The following CDH18 variants were observed in gnomAD, a reference collection of about 807,000 sequenced individuals.
CDH18 encodes cadherin-18.
In CDH18, 31 loss-of-function variants were observed where a neutral mutation model predicts 67.9. The observed-to-expected ratio is 0.46, with a 90% CI of 0.34 to 0.62. The LOEUF (loss-of-function observed/expected upper bound fraction) is 0.62. Ranked by LOEUF, CDH18 falls within the 20% of genes least tolerant of loss-of-function variation. CDH18 has a pLI of 0.01. For missense variants in CDH18, 890 were observed against 975.5 expected (o/e 0.91, Z 1.17); for synonymous variants, 362 against 347.2 (o/e 1.04, Z -0.48).
intron 2 of CDH18, among the ~76,000 whole-genome samples, chr5:20,207,325 A>G (rs978867557): frequency 6.6e-6 from 1 of 152,054 alleles, no homozygotes; most frequent in African/African-American, 2.4e-5. Flanking sequence ...CCAATGAAAG[A>G]AATTGAAAAG....
At chr5:20,242,596 GAAAA>G (rs376279568) in intron 2 of CDH18, among the ~76,000 whole-genome samples, 1 of 77,808 alleles carries the variant, frequency 1.3e-5, no homozygotes, top group African/African-American at 8.9e-5. Flanking sequence ...TTCATTGAGG[GAAAA>G]AAAAAAAAAA....
rs551102209 is a variant in CDH18 at position 19,799,527 on chromosome 5, C to T, written c.228+39232G>A. Among the ~76,000 whole-genome samples the T allele has an allele frequency of 3.7e-4, 56 of 151,680 alleles. 3 individuals are homozygous for T. Among genetic ancestry groups the T allele is most frequent in the Admixed American group, 3.3e-3 (50 of 15,212 alleles). On this transcript the variant is annotated intron_variant, in intron 3 of 12. Coordinates refer to ENST00000382275, the MANE Select transcript of CDH18 (RefSeq NM_004934.5). ...ATGAATGTGTTTAGTAACTTGATTGCTGTTGATTGTGGTGATGTCATGGGT... is the reference window on the plus strand; with the variant it reads ...ATGAATGTGTTTAGTAACTTGATTGTTGTTGATTGTGGTGATGTCATGGGT...
At chr5:20,445,608 G>A (rs564826260) in intron 1 of CDH18, among the ~76,000 whole-genome samples, 1 of 152,112 alleles carries the variant, frequency 6.6e-6, no homozygotes, top group Non-Finnish European at 1.5e-5. Context: ...TTTCTAAGAC[G>A]ACTTGTTTAG....
intron 1 of CDH18, among the ~76,000 whole-genome samples, chr5:20,358,455 C>T (rs1190645089): frequency 6.6e-6 from 1 of 152,128 alleles, no homozygotes; most frequent in East Asian, 1.9e-4. Context: ...CTGATTATAG[C>T]TAGCGTTTTT....
chr5:20,049,776 C>T (rs1002854584), intron 2 of CDH18, among the ~76,000 whole-genome samples: 1 of 151,574 alleles, frequency 6.6e-6, no homozygotes, highest in Non-Finnish European at 1.5e-5. Context: ...TCAAAATTGA[C>T]ATTGTAATAG....
intron 2 of CDH18, among the ~76,000 whole-genome samples, chr5:20,051,984 T>C (rs1365197150): frequency 6.6e-6 from 1 of 152,056 alleles, no homozygotes; most frequent in Admixed American, 6.6e-5. Flanking sequence ...CTCTCTCACT[T>C]ATGGATTTTC....
At chr5:20,279,825 T>G (rs539174843) in intron 1 of CDH18, among the ~76,000 whole-genome samples, 1 of 135,476 alleles carries the variant, frequency 7.4e-6, no homozygotes. Flanking sequence ...AGACAGAAAA[T>G]CATCAAAGAA....
chr5:19,489,451 G>GAT (rs1740989018), intron 11 of CDH18, among the ~76,000 whole-genome samples: 1 of 151,688 alleles, frequency 6.6e-6, no homozygotes, highest in African/African-American at 2.4e-5. Flanking sequence ...GTTTCACCAT[G>GAT]TTGGCCAGGC....
intron 2 of CDH18, among the ~76,000 whole-genome samples, chr5:20,212,214 G>A (rs1452444249): frequency 1.3e-5 from 2 of 152,078 alleles, no homozygotes; most frequent in Non-Finnish European, 2.9e-5. Flanking sequence ...AATGAAGCAA[G>A]AAGAGAAGTT....
chr5:20,074,844 CCA>C (rs1743787124), intron 2 of CDH18, among the ~76,000 whole-genome samples: 1 of 151,848 alleles, frequency 6.6e-6, no homozygotes, highest in Non-Finnish European at 1.5e-5. Flanking sequence ...AATGGCAAAG[CCA>C]CAGTTATTAT....
chr5:19,890,803 C>T (rs747944215), intron 2 of CDH18, among the ~76,000 whole-genome samples: 2 of 151,988 alleles, frequency 1.3e-5, no homozygotes, highest in Non-Finnish European at 2.9e-5. Flanking sequence ...CCATGTTGGC[C>T]AGGCTGAACA....
In CDH18 at chr5:19,782,298, C is replaced by T. The variant is rs117217183; in HGVS notation, c.229-35062G>A. On this transcript the variant is annotated intron_variant, in intron 3 of 12. Transcript: ENST00000382275. ...ATGAAACCATCAGATCTCCTGAGAC[C>T]CACTCATTATCATGAGGGGAGCATG... Among the ~76,000 whole-genome samples, 16 of 152,024 alleles carry T rather than the reference C, an allele frequency of 1.1e-4. No individual in the cohort carries two copies. The East Asian group carries it at 2.7e-3, about 26-fold the overall frequency.
intron 9 of CDH18, among the ~76,000 whole-genome samples, chr5:19,523,973 T>C (rs1747338451): frequency 6.6e-6 from 1 of 152,060 alleles, no homozygotes; most frequent in African/African-American, 2.4e-5. Context: ...TTCTCAGAAA[T>C]GTGTCAGAAG....
At chr5:20,033,191 G>T (rs1045299034) in intron 2 of CDH18, among the ~76,000 whole-genome samples, 2 of 151,550 alleles carry the variant, frequency 1.3e-5, no homozygotes, top group African/African-American at 4.8e-5. Context: ...ACAAAGATTG[G>T]TATCTTCCTT....
At chr5:19,870,293 C>T (rs917150046) in intron 2 of CDH18, among the ~76,000 whole-genome samples, 4 of 152,086 alleles carry the variant, frequency 2.6e-5, no homozygotes, top group Non-Finnish European at 5.9e-5. Context: ...TGTCTAAATA[C>T]ATGTCAGTAG....
intron 2 of CDH18, among the ~76,000 whole-genome samples, chr5:20,186,978 T>C (rs1286891782): frequency 6.6e-6 from 1 of 151,908 alleles, no homozygotes; most frequent in Non-Finnish European, 1.5e-5. Flanking sequence ...AGTAAGGAAA[T>C]TCTGACACAA....
chr5:19,569,667 T>C (rs755445256), intron 8 of CDH18, among the ~76,000 whole-genome samples: 5 of 152,172 alleles, frequency 3.3e-5, no homozygotes, highest in Non-Finnish European at 5.9e-5. Flanking sequence ...GTGATTGCTA[T>C]AGTCACCCTA....
intron 1 of CDH18, among the ~76,000 whole-genome samples, chr5:20,393,519 A>G (rs1019159270): frequency 1.3e-5 from 2 of 151,964 alleles, no homozygotes; most frequent in African/African-American, 4.8e-5. Flanking sequence ...GATTATAATA[A>G]TAAGTAACTC....
Position 20,179,392 on chromosome 5 carries a change from C to G in CDH18, c.-518+76052G>C, listed in dbSNP as rs939203448. 1.6e-4 allele frequency among the ~76,000 whole-genome samples: 24 copies of G among 152,218 alleles called. No homozygotes were observed. In the East Asian group the frequency reaches 4.6e-3, roughly 29 times the overall value. On this transcript the variant is annotated intron_variant, in intron 2 of 14. Coordinates refer to the CDH18 transcript ENST00000507958. The stretch of plus-strand genomic sequence containing the variant: ...GTTTCTAGAATTAAAGGAAGACAAA[C>G]CACAGATATTTTTCAGAAGTTTGGG...
Sources: allele counts gnomAD v4.1 joint callset (sites outside exome capture counted in the v4.1 genomes callset), GRCh38; gene constraint gnomAD v4.1.1; transcripts MANE v1.5; gene names NCBI Gene and HGNC (gene_info 2026-07-23, HGNC 2026-07-21).